Variants in ERC2 observed in about 807,000 individuals in gnomAD.
The protein encoded by ERC2 is ELKS/RAB6-interacting/CAST family member 2, also known as ERC protein 2.
ERC2 carries 42 observed loss-of-function variants against 114.8 expected under a neutral mutation model. The ratio of observed to expected loss-of-function variants is 0.37; its 90% CI spans 0.29 to 0.47. The LOEUF (loss-of-function observed/expected upper bound fraction) is 0.47, where lower values mean the gene tolerates loss of function less well. Ranked by LOEUF, ERC2 falls within the 20% of genes least tolerant of loss-of-function variation. The probability of loss-of-function intolerance (pLI) is 0.99; values close to 1 mark genes in which losing one functional copy is unlikely to be tolerated. For synonymous variants in ERC2, 454 were observed against 425.5 expected (o/e 1.07, Z -0.82); for missense variants, 939 against 1,150.7 (o/e 0.82, Z 2.66).
At chr3:55,638,054 C>T (rs1251849382) in intron 17 of ERC2, among the ~76,000 whole-genome samples, 1 of 152,212 alleles carries the variant, frequency 6.6e-6, no homozygotes, top group Non-Finnish European at 1.5e-5. Flanking sequence ...CCATTCATTT[C>T]TCCCCACACA....
At chr3:55,970,856 G>A (rs943562332) in intron 12 of ERC2, among the ~76,000 whole-genome samples, 4 of 152,072 alleles carry the variant, frequency 2.6e-5, no homozygotes, top group African/African-American at 9.7e-5. Context: ...CATGAGAAGT[G>A]AAAACATATA....
chr3:55,568,714 A>G (rs1239140386), intron 17 of ERC2, among the ~76,000 whole-genome samples: 1 of 152,206 alleles, frequency 6.6e-6, no homozygotes, highest in African/African-American at 2.4e-5. Flanking sequence ...ACAGAGAGAA[A>G]TAGCCAGAGA....
At chr3:56,141,313 C>T (rs1234361242) in intron 5 of ERC2, among the ~76,000 whole-genome samples, 1 of 152,152 alleles carries the variant, frequency 6.6e-6, no homozygotes, top group Non-Finnish European at 1.5e-5. Context: ...TTCCTTCTGC[C>T]AACAAATGCA....
At chr3:55,801,701 C>T in intron 14 of ERC2, among the ~76,000 whole-genome samples, 1 of 152,230 alleles carries the variant, frequency 6.6e-6, no homozygotes, top group Non-Finnish European at 1.5e-5. Context: ...GTAGGACTGG[C>T]TATAATTTGG....
intron 17 of ERC2, among the ~76,000 whole-genome samples, chr3:55,517,371 G>T (rs975085005): frequency 4.7e-5 from 7 of 150,058 alleles, no homozygotes; most frequent in Non-Finnish European, 1.0e-4. Context: ...AACCAGGAAG[G>T]TGGAGGTGGA....
At chr3:55,759,169 G>A (rs2067248815) in intron 14 of ERC2, among the ~76,000 whole-genome samples, 1 of 152,086 alleles carries the variant, frequency 6.6e-6, no homozygotes, top group South Asian at 2.1e-4. Flanking sequence ...ATCCAACAGA[G>A]CATAAATTAA....
At chr3:56,158,732 A>C (rs2081883118) in intron 4 of ERC2, among the ~76,000 whole-genome samples, 1 of 151,164 alleles carries the variant, frequency 6.6e-6, no homozygotes, top group African/African-American at 2.5e-5. Flanking sequence ...GTTCAGAAAA[A>C]CAAAAAAAAA....
At chr3:55,914,629 G>A (rs1313614917) in intron 13 of ERC2, among the ~76,000 whole-genome samples, 2 of 152,162 alleles carry the variant, frequency 1.3e-5, no homozygotes, top group Non-Finnish European at 2.9e-5. Context: ...CCTGATGCAA[G>A]TGACCTACTG....
intron 12 of ERC2, among the ~76,000 whole-genome samples, chr3:55,967,462 A>C (rs1249050451): frequency 6.6e-6 from 1 of 152,168 alleles, no homozygotes; most frequent in Non-Finnish European, 1.5e-5. Context: ...GATTACTATT[A>C]GGCCCTTTTT....
At chr3:56,324,129 C>T (rs1021472101) in intron 2 of ERC2, among the ~76,000 whole-genome samples, 3 of 152,206 alleles carry the variant, frequency 2.0e-5, no homozygotes, top group African/African-American at 7.2e-5. Flanking sequence ...ACAATAACTA[C>T]ACTGGAAGTA....
At chr3:56,028,283 G>T (rs2074170767) in intron 7 of ERC2, among the ~76,000 whole-genome samples, 1 of 151,928 alleles carries the variant, frequency 6.6e-6, no homozygotes, top group South Asian at 2.1e-4. Context: ...GTTATTCGGG[G>T]GGTTATGCCT....
chr3:55,527,973 C>T (rs1453737065), intron 17 of ERC2, among the ~76,000 whole-genome samples: 1 of 152,158 alleles, frequency 6.6e-6, no homozygotes, highest in Non-Finnish European at 1.5e-5. Context: ...TCCTGAGCCT[C>T]AGTTTCCTTA....
intron 3 of ERC2, among the ~76,000 whole-genome samples, chr3:56,189,413 T>G (rs2083844470): frequency 1.3e-5 from 2 of 152,356 alleles, no homozygotes; most frequent in South Asian, 4.1e-4. Context: ...TGTCAAGAAC[T>G]GGCCATTCCA....
At chr3:56,318,147 A>T (rs1234520615) in intron 2 of ERC2, among the ~76,000 whole-genome samples, 1 of 152,202 alleles carries the variant, frequency 6.6e-6, no homozygotes. Flanking sequence ...CTTAATTTCC[A>T]GATAATTTTA....
In ERC2 at chr3:55,767,446, A is replaced by G. The variant is rs1400695344; in HGVS notation, c.2565-32528T>C. Among the ~76,000 whole-genome samples the G allele has an allele frequency of 3.9e-5, 6 of 152,210 alleles. No homozygotes were observed. In the East Asian group the frequency reaches 1.2e-3, roughly 29 times the overall value. On this transcript the variant is annotated intron_variant, in intron 14 of 17. Coordinates refer to ENST00000288221, the MANE Select transcript of ERC2 (RefSeq NM_015576.3). ...TGGGCCCTTTGCTTTCAGGCCAAGTATGAGGGAAGTAAAACAGAAACCCCT... is the reference window on the plus strand; with the variant it reads ...TGGGCCCTTTGCTTTCAGGCCAAGTGTGAGGGAAGTAAAACAGAAACCCCT...
chr3:55,995,951 G>C (rs751382336), intron 10 of ERC2, among the ~76,000 whole-genome samples: 3 of 152,084 alleles, frequency 2.0e-5, no homozygotes, highest in African/African-American at 7.2e-5. Flanking sequence ...CAATATTCTC[G>C]CCTTTTCAAA....
intron 10 of ERC2, among the ~76,000 whole-genome samples, chr3:55,994,662 A>AG (rs1294207593): frequency 4.0e-5 from 6 of 149,824 alleles, no homozygotes; most frequent in African/African-American, 1.5e-4. Context: ...AAAAAAAAAA[A>AG]AAAAAAAAAA....
rs570208608 is a variant in ERC2, at chr3:55,863,984, A to T, written c.2564+24405T>A. 2.0e-5 allele frequency among the ~76,000 whole-genome samples: 3 copies of T among 150,804 alleles called. 1 individual carries two copies. The highest frequency in any genetic ancestry group is 4.2e-4 in the South Asian group (2 of 4,794). ...CTGTAACACACACACACACACACTC[A>T]GAGTTAACAGCATAAAGGTTGTCAT... On this transcript the variant is annotated intron_variant, in intron 14 of 17. Transcript: ENST00000288221.
intron 15 of ERC2, among the ~76,000 whole-genome samples, chr3:55,708,010 C>T (rs2063579335): frequency 6.6e-6 from 1 of 152,186 alleles, no homozygotes; most frequent in African/African-American, 2.4e-5. Context: ...TGCTCAGATC[C>T]TTAAGGACCA....
Sources: allele counts gnomAD v4.1 joint callset (sites outside exome capture counted in the v4.1 genomes callset), GRCh38; gene constraint gnomAD v4.1.1; transcripts MANE v1.5; gene names NCBI Gene and HGNC (gene_info 2026-07-23, HGNC 2026-07-21).